The following SIPA1L1 variants were observed in gnomAD, a reference collection of about 807,000 sequenced individuals.
The protein encoded by SIPA1L1 is signal-induced proliferation-associated 1-like protein 1.
In SIPA1L1, 26 loss-of-function variants were observed where a neutral mutation model predicts 162.7. That is an observed-to-expected ratio of 0.16 (90% confidence interval 0.12 to 0.22). The LOEUF is 0.22. SIPA1L1 is among the 10% of genes least tolerant of loss of function. The probability of loss-of-function intolerance (pLI) is 1.00; values close to 1 mark genes in which losing one functional copy is unlikely to be tolerated. For missense variants in SIPA1L1, 1,874 were observed against 2,241.0 expected, an observed-to-expected ratio of 0.84 and a Z score of 3.31; for synonymous variants, 829 against 837.4, an observed-to-expected ratio of 0.99 and a Z score of 0.17.
chr14:71,671,782 CTGT>C, intron 11 of SIPA1L1, 90 bp downstream of exon 11: 1 of 904,316 alleles, frequency 1.1e-6, no homozygotes, highest in Non-Finnish European at 1.6e-6. Flanking sequence ...ACCTTGTGCT[CTGT>C]TATTAGCTCC....
chr14:71,693,412 T>C (rs951965468), intron 13 of SIPA1L1, among the ~76,000 whole-genome samples: 1 of 151,874 alleles, frequency 6.6e-6, no homozygotes, highest in African/African-American at 2.4e-5. Context: ...GGCAGAAGAA[T>C]CACTTGAACC....
At chr14:71,524,862 T>C (rs964649520) in intron 3 of SIPA1L1, among the ~76,000 whole-genome samples, 1 of 152,244 alleles carries the variant, frequency 6.6e-6, no homozygotes, top group African/African-American at 2.4e-5. Context: ...TCTCTCCCTC[T>C]GCCTAGAGTG....
chr14:71,399,469 A>G (rs541502042), intron 2 of SIPA1L1, among the ~76,000 whole-genome samples: 6 of 151,712 alleles, frequency 4.0e-5, no homozygotes, highest in South Asian at 2.1e-4. Flanking sequence ...CAGTGGTACT[A>G]TCGTAGCTCA....
At chr14:71,341,713 A>T (rs2035674591) in intron 2 of SIPA1L1, among the ~76,000 whole-genome samples, 8 of 152,024 alleles carry the variant, frequency 5.3e-5, no homozygotes, top group Admixed American at 5.3e-4. Flanking sequence ...GTCCGTGAGT[A>T]CCCAGCGTTT....
At chr14:71,492,294 A>AT (rs1253285874) in intron 2 of SIPA1L1, among the ~76,000 whole-genome samples, 1 of 152,152 alleles carries the variant, frequency 6.6e-6, no homozygotes, top group Non-Finnish European at 1.5e-5. Context: ...TGTTGTTTTT[A>AT]TTAGTTTAGA....
chr14:71,652,439 A>G (rs2042701348), intron 8 of SIPA1L1, among the ~76,000 whole-genome samples: 4 of 152,226 alleles, frequency 2.6e-5, no homozygotes, highest in Non-Finnish European at 5.9e-5. Context: ...TTTCAGAACA[A>G]ATGTTCAAGG....
intron 2 of SIPA1L1, among the ~76,000 whole-genome samples, chr14:71,504,997 A>T (rs796646298): frequency 6.6e-6 from 1 of 152,174 alleles, no homozygotes; most frequent in African/African-American, 2.4e-5. Flanking sequence ...GTTGTGCTTC[A>T]TGTAACCTGA....
At position 71,709,556 on chromosome 14, in the gene SIPA1L1, CAG is replaced by C. The variant is rs1199806337; in HGVS notation, c.4103_4104del (p.Glu1368ValfsTer56). 2 of 1,614,184 alleles carry C rather than the reference CAG, an allele frequency of 1.2e-6. No homozygotes were observed. Among genetic ancestry groups the C allele is most frequent in the Non-Finnish European group, 8.5e-7 (1 of 1,180,028 alleles). ...GAGAGCCACGGCCTGGACCGGAAAA[CAG>C]AGTCTTCCCTGAGCTTAGACATACA... is the stretch of plus-strand genomic sequence containing the variant. On this transcript the variant is annotated frameshift_variant, in exon 17 of 24. Coordinates refer to ENST00000381232, the MANE Select transcript of SIPA1L1 (RefSeq NM_001386936.1). LOFTEE classifies it high-confidence loss of function.
intron 2 of SIPA1L1, among the ~76,000 whole-genome samples, chr14:71,337,497 CT>C (rs201799223): frequency 0.011 from 1,658 of 152,292 alleles, 14 homozygotes; most frequent in East Asian, 0.021. Flanking sequence ...AAAGTTACGT[CT>C]TACATGGCAG....
intron 2 of SIPA1L1, among the ~76,000 whole-genome samples, chr14:71,353,716 A>G (rs1044136328): frequency 6.6e-6 from 1 of 152,096 alleles, no homozygotes; most frequent in Non-Finnish European, 1.5e-5. Context: ...GTAGGTTTTC[A>G]ATGTGAAGCT....
At chr14:71,717,556 TAAAATG>T (rs1466459311) in intron 17 of SIPA1L1, among the ~76,000 whole-genome samples, 1 of 152,168 alleles carries the variant, frequency 6.6e-6, no homozygotes, top group Non-Finnish European at 1.5e-5. Context: ...TCTCTGTGAG[TAAAATG>T]AAATTGCAGC....
Position 71,491,029 on chromosome 14 carries a change from T to C in SIPA1L1, c.-464-21714T>C, listed in dbSNP as rs1406172664. ...TTATAATGCTCTGTATATCACTGAGTGCTTAAGTAGTTACCCTTTTTAATC... is the reference window on the plus strand; with the variant it reads ...TTATAATGCTCTGTATATCACTGAGCGCTTAAGTAGTTACCCTTTTTAATC... On this transcript the variant is annotated intron_variant, in intron 2 of 23. Coordinates refer to ENST00000381232, the MANE Select transcript of SIPA1L1 (RefSeq NM_001386936.1). Among the ~76,000 whole-genome samples, 6 of 152,192 alleles carry C rather than the reference T, an allele frequency of 3.9e-5. 1 individual carries two copies. Among genetic ancestry groups the C allele is most frequent in the Non-Finnish European group, 2.9e-5 (2 of 68,044 alleles).
chr14:71,504,655 C>T (rs1168977101), intron 2 of SIPA1L1, among the ~76,000 whole-genome samples: 1 of 152,112 alleles, frequency 6.6e-6, no homozygotes. Context: ...AAAATGCAGC[C>T]TTCTAAACTA....
Position 71,723,659 on chromosome 14 carries a change from C to T in SIPA1L1, c.4221C>T (p.Ser1407=). The T allele has an allele frequency of 6.2e-7, 1 of 1,614,208 alleles. No individual in the cohort carries two copies. The highest frequency in any genetic ancestry group is 1.3e-5 in the African/African-American group (1 of 75,054). Residue 1407 remains serine (S), a synonymous_variant, in exon 18 of 24, where the codon TCC becomes TCT. Coordinates refer to ENST00000381232, the MANE Select transcript of SIPA1L1 (RefSeq NM_001386936.1). ...DAASHTSTMS[S]RHSASPVVFT... ...TGCTTCTCCTCAGTACCATGAGCTC[C>T]CGACACTCTGCCAGCCCAGTGGTTT...
intron 5 of SIPA1L1, among the ~76,000 whole-genome samples, chr14:71,609,437 A>ATTTT (rs1403925953): frequency 2.7e-4 from 37 of 137,794 alleles, no homozygotes; most frequent in African/African-American, 9.2e-4. Flanking sequence ...CCCAGCTAAT[A>ATTTT]TTTTATTTAT....
intron 14 of SIPA1L1, among the ~76,000 whole-genome samples, chr14:71,700,844 A>C (rs1179108772): frequency 6.6e-6 from 1 of 151,950 alleles, no homozygotes; most frequent in African/African-American, 2.4e-5. Flanking sequence ...AATACAAAAA[A>C]TTAGCTGGGT....
intron 5 of SIPA1L1, among the ~76,000 whole-genome samples, chr14:71,599,056 A>G (rs538229618): frequency 5.9e-5 from 9 of 151,792 alleles, no homozygotes; most frequent in African/African-American, 2.2e-4. Context: ...AAAACATGCA[A>G]TATTTGTCTT....
At position 71,723,660 on chromosome 14, in the gene SIPA1L1, C is replaced by T. The variant is rs2083956997; in HGVS notation, c.4222C>T (p.Arg1408Ter). The change falls in exon 18 of 24, where the codon CGA (arginine) becomes TGA (stop). Residue 1408 changes from arginine (R) to a stop codon, truncating the protein, a stop_gained. Coordinates refer to ENST00000381232, the MANE Select transcript of SIPA1L1 (RefSeq NM_001386936.1). LOFTEE classifies it high-confidence loss of function. ...GCTTCTCCTCAGTACCATGAGCTCC[C>T]GACACTCTGCCAGCCCAGTGGTTTT... Reference protein sequence around the residue: ...AASHTSTMSSRHSASPVVFTS... With the variant: ...AASHTSTMSS 2 of 1,614,164 alleles carry T rather than the reference C, an allele frequency of 1.2e-6. No homozygotes were observed. Among genetic ancestry groups the T allele is most frequent in the Non-Finnish European group, 1.7e-6 (2 of 1,180,034 alleles).
chr14:71,454,948 C>G (rs2046084034), intron 2 of SIPA1L1, among the ~76,000 whole-genome samples: 1 of 152,202 alleles, frequency 6.6e-6, no homozygotes, highest in South Asian at 2.1e-4. Flanking sequence ...GTTCTTTACA[C>G]TTTCACGGAT....
Sources: gnomAD v4.1 joint callset for allele counts (sites outside exome capture counted in the v4.1 genomes callset) on GRCh38, gnomAD v4.1.1 for gene constraint, MANE v1.5 for transcripts, NCBI Gene and HGNC (gene_info 2026-07-23, HGNC 2026-07-21) for gene names.